EPHA5: variants seen among roughly 807,000 people sequenced by gnomAD.
The protein encoded by EPHA5 is EPH receptor A5.
In EPHA5, 60 loss-of-function variants were observed where a neutral mutation model predicts 105.0. The observed-to-expected ratio is 0.57, with a 90% confidence interval of 0.46 to 0.71. EPHA5 has a LOEUF of 0.71. Ranked by LOEUF, EPHA5 falls within the 30% of genes least tolerant of loss-of-function variation. EPHA5 has a pLI of 0.00. For synonymous variants in EPHA5, 513 were observed against 449.1 expected (o/e 1.14, Z -1.80); for missense variants, 1,218 against 1,274.7 (o/e 0.96, Z 0.68).
At chr4:65,397,918 G>A (rs1721408277) in intron 8 of EPHA5, among the ~76,000 whole-genome samples, 1 of 152,148 alleles carries the variant, frequency 6.6e-6, no homozygotes. Context: ...TGGCAGTGGT[G>A]GCCTGTCTGG....
chr4:65,524,820 C>A (rs2149288366), intron 3 of EPHA5, among the ~76,000 whole-genome samples: 1 of 151,722 alleles, frequency 6.6e-6, no homozygotes, highest in Admixed American at 6.6e-5. Flanking sequence ...GATTGTATGG[C>A]AGCTGAAACC....
chr4:65,551,104 A>T (rs1164083643), intron 3 of EPHA5, among the ~76,000 whole-genome samples: 1 of 151,964 alleles, frequency 6.6e-6, no homozygotes, highest in African/African-American at 2.4e-5. Context: ...ATATGTGTAT[A>T]TATGAAATAT....
At chr4:65,482,821 A>G (rs1391916301) in intron 5 of EPHA5, among the ~76,000 whole-genome samples, 1 of 150,160 alleles carries the variant, frequency 6.7e-6, no homozygotes, top group Non-Finnish European at 1.5e-5. Flanking sequence ...TCTGAAAGAC[A>G]TTGCCTACCA....
chr4:65,491,063 G>A (rs985881797), intron 4 of EPHA5, among the ~76,000 whole-genome samples: 3 of 151,882 alleles, frequency 2.0e-5, no homozygotes, highest in Admixed American at 2.0e-4. Flanking sequence ...TGAACTGAAT[G>A]TTTCCTCATT....
intron 3 of EPHA5, among the ~76,000 whole-genome samples, chr4:65,510,237 G>T (rs1410350366): frequency 2.0e-5 from 3 of 148,284 alleles, no homozygotes; most frequent in South Asian, 2.1e-4. Flanking sequence ...TAGAGACAGG[G>T]TTTCTTCATT....
Position 65,321,954 on chromosome 4 carries a change from T to C in EPHA5, c.*2160A>G. On this transcript the variant is annotated 3_prime_UTR_variant, in exon 17 of 17. Transcript: ENST00000613740. ...ATTGGAATATTTCTATAAAATTCAA[T>C]AAAGTGCCACATAATCATCATTTAT... 4.4e-6 allele frequency: 1 copy of C among 226,380 alleles called. No homozygotes were observed. The highest frequency in any genetic ancestry group is 8.8e-6 in the Non-Finnish European group (1 of 113,662). 14.0% of individuals were successfully genotyped at this position (226,380 alleles called of 1,614,324 possible).
chr4:65,511,136 G>C (rs150169189), intron 3 of EPHA5, among the ~76,000 whole-genome samples: 2,473 of 152,246 alleles, frequency 0.016, 25 homozygotes, highest in South Asian at 0.049. Flanking sequence ...ACTCAGAACT[G>C]TGAGAAATAA....
At chr4:65,337,315 C>T (rs1445717208) in intron 14 of EPHA5, among the ~76,000 whole-genome samples, 2 of 152,198 alleles carry the variant, frequency 1.3e-5, no homozygotes, top group East Asian at 1.9e-4. Flanking sequence ...CACAAGAATT[C>T]ATTCCTTCTA....
intron 2 of EPHA5, among the ~76,000 whole-genome samples, chr4:65,607,770 G>A (rs925071378): frequency 6.6e-6 from 1 of 152,172 alleles, no homozygotes; most frequent in African/African-American, 2.4e-5. Flanking sequence ...GGAAAACACT[G>A]TGGCAATTCC....
intron 8 of EPHA5, among the ~76,000 whole-genome samples, chr4:65,382,828 C>G (rs1425680580): frequency 6.6e-6 from 1 of 151,600 alleles, no homozygotes; most frequent in African/African-American, 2.4e-5. Flanking sequence ...AAGAGATACT[C>G]AATAAACACG....
chr4:65,347,292 T>C (rs1722316006), intron 14 of EPHA5, among the ~76,000 whole-genome samples: 1 of 152,192 alleles, frequency 6.6e-6, no homozygotes, highest in Non-Finnish European at 1.5e-5. Context: ...GTATGTCTCA[T>C]GATAAGGGCT....
At chr4:65,591,118 A>G (rs1742601005) in intron 3 of EPHA5, among the ~76,000 whole-genome samples, 1 of 152,102 alleles carries the variant, frequency 6.6e-6, no homozygotes, top group Non-Finnish European at 1.5e-5. Flanking sequence ...TGATGAAACA[A>G]GATGTGCTAA....
intron 11 of EPHA5, among the ~76,000 whole-genome samples, chr4:65,361,797 C>A (rs144157107): frequency 6.6e-6 from 1 of 151,594 alleles, no homozygotes; most frequent in African/African-American, 2.4e-5. Flanking sequence ...CAGAACTAGG[C>A]TTATTTATAC....
At chr4:65,633,902 G>A (rs1338389749) in intron 2 of EPHA5, among the ~76,000 whole-genome samples, 1 of 151,998 alleles carries the variant, frequency 6.6e-6, no homozygotes, top group Admixed American at 6.6e-5. Flanking sequence ...TAAACAATTG[G>A]ATGCAAAACT....
intron 5 of EPHA5, among the ~76,000 whole-genome samples, chr4:65,445,518 G>A (rs1726433277): frequency 6.6e-6 from 1 of 151,946 alleles, no homozygotes; most frequent in South Asian, 2.1e-4. Flanking sequence ...GATGCCAACA[G>A]GACTGTGAGC....
chr4:65,430,645 C>T (rs1724883804), intron 5 of EPHA5, among the ~76,000 whole-genome samples: 1 of 151,992 alleles, frequency 6.6e-6, no homozygotes, highest in Non-Finnish European at 1.5e-5. Context: ...TTTTGATGCA[C>T]AGAAGTTAAT....
chr4:65,579,543 T>C (rs1374639142), intron 3 of EPHA5, among the ~76,000 whole-genome samples: 1 of 151,682 alleles, frequency 6.6e-6, no homozygotes, highest in Non-Finnish European at 1.5e-5. Context: ...CATAACATTT[T>C]CAAAATATTT....
chr4:65,538,658 C>T (rs887597040), intron 3 of EPHA5, among the ~76,000 whole-genome samples: 4 of 151,576 alleles, frequency 2.6e-5, no homozygotes, highest in Admixed American at 6.6e-5. Flanking sequence ...AGTCTTCATT[C>T]TTAATAATAG....
chr4:65,618,150 C>G (rs1745409219), intron 2 of EPHA5, among the ~76,000 whole-genome samples: 1 of 152,090 alleles, frequency 6.6e-6, no homozygotes, highest in Non-Finnish European at 1.5e-5. Context: ...TTCCACTTAC[C>G]ACCAGAGAAG....
Sources: gnomAD v4.1 joint callset for allele counts (sites outside exome capture counted in the v4.1 genomes callset) on GRCh38, gnomAD v4.1.1 for gene constraint, MANE v1.5 for transcripts, NCBI Gene and HGNC (gene_info 2026-07-23, HGNC 2026-07-21) for gene names.